The following RBFOX1 variants were observed in gnomAD, a reference collection of about 807,000 sequenced individuals.
RBFOX1 encodes the protein RNA binding fox-1 homolog 1, also known as RNA binding protein fox-1 homolog 1.
Under a neutral mutation model 57.7 loss-of-function variants are expected in RBFOX1, and 8 were observed. The observed-to-expected ratio is 0.14, with a 90% CI of 0.08 to 0.25. The LOEUF (loss-of-function observed/expected upper bound fraction) is 0.25. Ranked by LOEUF, RBFOX1 falls within the 10% of genes least tolerant of loss-of-function variation. The pLI is 1.00. For synonymous variants in RBFOX1, 326 were observed against 222.4 expected (o/e 1.47, Z -4.15); for missense variants, 611 against 548.5 (o/e 1.11, Z -1.14).
At chr16:5,467,372 T>A in intron 2 of RBFOX1, 1 of 979,590 alleles carries the variant, frequency 1.0e-6, no homozygotes, top group South Asian at 1.5e-5. Context: ...ACATCTGTAA[T>A]CAACCACAGC....
At chr16:5,810,761 C>T (rs778626944) in intron 3 of RBFOX1, among the ~76,000 whole-genome samples, 3 of 152,292 alleles carry the variant, frequency 2.0e-5, no homozygotes, top group South Asian at 2.1e-4. Flanking sequence ...TACTGAGCCT[C>T]CTGCTTTGGT....
intron 3 of RBFOX1, among the ~76,000 whole-genome samples, chr16:5,701,547 A>G (rs2051048100): frequency 6.6e-6 from 1 of 151,908 alleles, no homozygotes; most frequent in Non-Finnish European, 1.5e-5. Flanking sequence ...GGCTCAAGCC[A>G]TTCTCTCCAG....
intron 1 of RBFOX1, among the ~76,000 whole-genome samples, chr16:5,403,563 G>C (rs1025818039): frequency 2.6e-5 from 4 of 152,050 alleles, no homozygotes; most frequent in Non-Finnish European, 4.4e-5. Flanking sequence ...TCCTGCCTCA[G>C]TCTCTCGAGT....
chr16:6,099,243 G>A (rs9930676), intron 1 of RBFOX1, among the ~76,000 whole-genome samples: 56,872 of 152,050 alleles, frequency 0.37, 11,405 homozygotes, highest in African/African-American at 0.48. Flanking sequence ...CCATTTGTGT[G>A]AGTTGAGCCA....
At chr16:5,775,402 G>A (rs890341810) in intron 3 of RBFOX1, among the ~76,000 whole-genome samples, 10 of 152,348 alleles carry the variant, frequency 6.6e-5, no homozygotes, top group Admixed American at 3.3e-4. Flanking sequence ...GGGTCACTGC[G>A]TTGGAGGGAC....
chr16:6,656,234 C>G (rs1371192737), intron 3 of RBFOX1, among the ~76,000 whole-genome samples: 13 of 152,178 alleles, frequency 8.5e-5, no homozygotes, highest in Admixed American at 8.5e-4. Context: ...TGTTCCCCAA[C>G]CTGCTTCCAA....
intron 4 of RBFOX1, among the ~76,000 whole-genome samples, chr16:5,965,748 T>C (rs2059830423): frequency 1.3e-5 from 2 of 152,200 alleles, no homozygotes; most frequent in African/African-American, 2.4e-5. Flanking sequence ...GATATTTTTC[T>C]GGTTTCATGG....
intron 3 of RBFOX1, among the ~76,000 whole-genome samples, chr16:5,649,588 T>C (rs1669462799): frequency 6.6e-6 from 1 of 152,232 alleles, no homozygotes; most frequent in Non-Finnish European, 1.5e-5. Flanking sequence ...TCCCATCGTC[T>C]CCCTCTCTCA....
intron 3 of RBFOX1, among the ~76,000 whole-genome samples, chr16:6,899,800 C>T (rs538468234): frequency 9.3e-4 from 142 of 152,250 alleles, no homozygotes; most frequent in East Asian, 1.7e-3. Context: ...GTATGGACAC[C>T]TTTTCATTGC....
At chr16:5,665,947 C>T (rs1456287935) in intron 3 of RBFOX1, among the ~76,000 whole-genome samples, 1 of 152,218 alleles carries the variant, frequency 6.6e-6, no homozygotes, top group Non-Finnish European at 1.5e-5. Flanking sequence ...GGGAGAGAAG[C>T]AGAGCTGACG....
At chr16:5,526,618 C>G (rs1410655184) in intron 2 of RBFOX1, among the ~76,000 whole-genome samples, 1 of 152,110 alleles carries the variant, frequency 6.6e-6, no homozygotes, top group Non-Finnish European at 1.5e-5. Context: ...CTCAGAGAGG[C>G]TAGGTAATTT....
chr16:7,213,066 A>G (rs538620452), intron 4 of RBFOX1, among the ~76,000 whole-genome samples: 10 of 152,152 alleles, frequency 6.6e-5, no homozygotes, highest in Non-Finnish European at 1.3e-4. Flanking sequence ...AAAGCCAGAG[A>G]TTGGAATAGG....
chr16:6,356,730 G>A (rs1027811267), intron 2 of RBFOX1, among the ~76,000 whole-genome samples: 2 of 152,114 alleles, frequency 1.3e-5, no homozygotes, highest in Non-Finnish European at 2.9e-5. Context: ...GACATTAGGC[G>A]AAAAACAAGG....
At position 7,358,254 on chromosome 16, in the gene RBFOX1, C is replaced by A. The variant is rs536564397; in HGVS notation, c.28-159893C>A. 9.6e-4 allele frequency among the ~76,000 whole-genome samples: 146 copies of A among 152,314 alleles called. 1 individual carries two copies. The highest frequency in any genetic ancestry group is 1.9e-3 in the South Asian group (9 of 4,828). ...CAAGTCAGCCTCTGCTGCAAATAAA[C>A]CGTGACAGAGAAAGAGGGTGGCCGT... On this transcript the variant is annotated intron_variant, in intron 4 of 15. Transcript: ENST00000550418.
At chr16:7,481,323 G>A (rs1390867840) in intron 4 of RBFOX1, among the ~76,000 whole-genome samples, 1 of 152,148 alleles carries the variant, frequency 6.6e-6, no homozygotes, top group Non-Finnish European at 1.5e-5. Context: ...GTGTAAACTT[G>A]TGGATATTTC....
intron 2 of RBFOX1, among the ~76,000 whole-genome samples, chr16:6,565,918 G>A (rs1307905880): frequency 6.6e-6 from 1 of 152,134 alleles, no homozygotes; most frequent in African/African-American, 2.4e-5. Flanking sequence ...GAACCAATGT[G>A]CTTTGTTTTT....
chr16:6,994,469 G>A (rs1362486435), intron 3 of RBFOX1, among the ~76,000 whole-genome samples: 1 of 152,140 alleles, frequency 6.6e-6, no homozygotes, highest in Non-Finnish European at 1.5e-5. Context: ...GCCATGCTAA[G>A]AACTGTTAGG....
chr16:6,315,138 A>T, intron 1 of RBFOX1, among the ~76,000 whole-genome samples: 1 of 152,258 alleles, frequency 6.6e-6, no homozygotes, highest in Non-Finnish European at 1.5e-5. Flanking sequence ...TATTCACCTG[A>T]ATTCCTTGAG....
chr16:6,843,770 T>G (rs1199506751), intron 3 of RBFOX1, among the ~76,000 whole-genome samples: 1 of 152,228 alleles, frequency 6.6e-6, no homozygotes, highest in Non-Finnish European at 1.5e-5. Flanking sequence ...TTTAGGAACG[T>G]ATCCTTCACT....
Sources: gnomAD v4.1 joint callset for allele counts (sites outside exome capture counted in the v4.1 genomes callset) on GRCh38, gnomAD v4.1.1 for gene constraint, MANE v1.5 for transcripts, NCBI Gene and HGNC (gene_info 2026-07-23, HGNC 2026-07-21) for gene names.